The following C10orf90 variants were observed in gnomAD, a reference collection of about 807,000 sequenced individuals.
C10orf90 encodes (E2-independent) E3 ubiquitin-conjugating enzyme FATS.
Under a neutral mutation model 62.5 loss-of-function variants are expected in C10orf90, and 56 were observed. That is an observed-to-expected ratio of 0.90 (90% confidence interval 0.72 to 1.12). The LOEUF (loss-of-function observed/expected upper bound fraction) is 1.12. Ranked by LOEUF, C10orf90 falls within the 50% of genes most tolerant of loss-of-function variation. C10orf90 has a pLI of 0.00. For synonymous variants in C10orf90, 386 were observed against 340.4 expected, an observed-to-expected ratio of 1.13 and a Z score of -1.47; for missense variants, 970 against 880.4, an observed-to-expected ratio of 1.10 and a Z score of -1.29.
intron 2 of C10orf90, among the ~76,000 whole-genome samples, chr10:126,609,294 T>G (rs558332692): frequency 2.6e-5 from 4 of 152,200 alleles, no homozygotes; most frequent in South Asian, 2.1e-4. Context: ...TCTCAGCTAC[T>G]CAGGATGCTG....
At chr10:126,584,770 A>C (rs1451162029) in intron 2 of C10orf90, among the ~76,000 whole-genome samples, 1 of 152,052 alleles carries the variant, frequency 6.6e-6, no homozygotes, top group African/African-American at 2.4e-5. Flanking sequence ...TTAAAATCTT[A>C]TAGTATTAGT....
At position 126,502,570 on chromosome 10, in the gene C10orf90, T is replaced by C. The variant is rs969635738; in HGVS notation, c.1534+1387A>G. ...CTCCTCTGAGATGAGTGTATGAGTG[T>C]TTGAGATCTGGCTCTCATTATTAAT... On this transcript the variant is annotated intron_variant, in intron 4 of 9. Transcript: ENST00000488181. The C allele has an allele frequency of 2.0e-5, 5 of 250,910 alleles. No homozygotes were observed. In the South Asian group the frequency reaches 2.1e-4, roughly 11 times the overall value. The allele number at this position is 250,910 out of a possible 1,614,324, so 15.5% of individuals were successfully genotyped here.
chr10:126,627,005 T>C (rs568235490), intron 2 of C10orf90, among the ~76,000 whole-genome samples: 2 of 136,314 alleles, frequency 1.5e-5, no homozygotes, highest in Non-Finnish European at 1.6e-5. Flanking sequence ...CTTTTCTTTT[T>C]TTTTTTTTTT....
At chr10:126,630,377 C>T (rs1172012599) in intron 2 of C10orf90, among the ~76,000 whole-genome samples, 1 of 152,024 alleles carries the variant, frequency 6.6e-6, no homozygotes, top group Non-Finnish European at 1.5e-5. Flanking sequence ...TTGGGATAGG[C>T]AAGGGAGGAG....
At chr10:126,591,372 C>T (rs879376445) in intron 2 of C10orf90, among the ~76,000 whole-genome samples, 11 of 152,080 alleles carry the variant, frequency 7.2e-5, no homozygotes, top group African/African-American at 1.9e-4. Context: ...TTCATCTCTG[C>T]GATACAAGGT....
intron 2 of C10orf90, among the ~76,000 whole-genome samples, chr10:126,564,369 A>C (rs1190011937): frequency 6.6e-6 from 1 of 151,990 alleles, no homozygotes; most frequent in Non-Finnish European, 1.5e-5. Context: ...AGCAGCAGCA[A>C]AGTCCCACTG....
intron 1 of C10orf90, among the ~76,000 whole-genome samples, chr10:126,654,001 T>A (rs560322351): frequency 6.6e-6 from 1 of 152,124 alleles, no homozygotes; most frequent in Non-Finnish European, 1.5e-5. Context: ...GTCTTAACAG[T>A]GGGCTTAAAA....
intron 2 of C10orf90, among the ~76,000 whole-genome samples, chr10:126,587,214 G>A (rs2134023707): frequency 6.6e-6 from 1 of 152,286 alleles, no homozygotes; most frequent in Non-Finnish European, 1.5e-5. Context: ...ATGTTTTAAA[G>A]CATGCATGGG....
At position 126,587,087 on chromosome 10, in the gene C10orf90, T is replaced by C. The variant is rs55642014; in HGVS notation, c.313+59478A>G. On this transcript the variant is annotated intron_variant, in intron 2 of 9. Transcript: ENST00000488181. ...CTGGCTCTGAGGTTTCATACTTGTG[T>C]ATGCTGGAATCCACCAATCTGTGAC... is the stretch of plus-strand genomic sequence containing the variant. Among the ~76,000 whole-genome samples the C allele has an allele frequency of 3.3e-3, 498 of 152,258 alleles. 3 individuals are homozygous for C. The highest frequency in any genetic ancestry group is 0.012 in the African/African-American group (486 of 41,564).
intron 1 of C10orf90, among the ~76,000 whole-genome samples, chr10:126,649,022 C>G (rs186540784): frequency 2.5e-5 from 2 of 80,378 alleles, no homozygotes; most frequent in East Asian, 6.6e-4. Flanking sequence ...ATCTCTCTCT[C>G]TCTCTGTCTC....
rs755150433 is a variant in C10orf90, at chr10:126,670,154, A to G, written c.240+87T>C. On this transcript the variant is annotated intron_variant, in intron 1 of 9. Transcript: ENST00000488181. ...AAATGATTAATTTATTAGACCAGAT[A>G]AAACACCTGAACTGTCTGATGAGCA... The G allele has an allele frequency of 1.0e-5, 4 of 395,318 alleles. No individual in the cohort carries two copies. The East Asian group carries it at 2.2e-4, about 22-fold the overall frequency. 24.5% of individuals were successfully genotyped at this position (395,318 alleles called of 1,614,324 possible).
chr10:126,654,918 G>T (rs1396015755), intron 1 of C10orf90, among the ~76,000 whole-genome samples: 3 of 152,174 alleles, frequency 2.0e-5, no homozygotes, highest in African/African-American at 7.2e-5. Context: ...AATAGGTAGG[G>T]CTTAAGAGAG....
intron 3 of C10orf90, among the ~76,000 whole-genome samples, chr10:126,513,096 C>T (rs561219302): frequency 6.6e-6 from 1 of 152,272 alleles, no homozygotes; most frequent in South Asian, 2.1e-4. Context: ...ATAGCAGATG[C>T]CTTGTAAACT....
At chr10:126,583,667 C>CT (rs368692707) in intron 2 of C10orf90, among the ~76,000 whole-genome samples, 14 of 152,166 alleles carry the variant, frequency 9.2e-5, no homozygotes, top group African/African-American at 3.1e-4. Context: ...CTCTGCCCCC[C>CT]ACCTTGCCAC....
chr10:126,621,120 G>A (rs536350663), intron 2 of C10orf90, among the ~76,000 whole-genome samples: 5 of 152,230 alleles, frequency 3.3e-5, no homozygotes, highest in South Asian at 2.1e-4. Flanking sequence ...AGATAATACT[G>A]CTATGAACAT....
intron 2 of C10orf90, among the ~76,000 whole-genome samples, chr10:126,535,842 C>T (rs1864221007): frequency 6.6e-6 from 1 of 152,168 alleles, no homozygotes; most frequent in African/African-American, 2.4e-5. Context: ...GCTGCCCCTG[C>T]ACTTCCAGCT....
chr10:126,438,256 A>G (rs991326233), intron 7 of C10orf90, among the ~76,000 whole-genome samples: 1 of 152,198 alleles, frequency 6.6e-6, no homozygotes, highest in Admixed American at 6.5e-5. Context: ...AACATAGAGG[A>G]TGCAGGTAAT....
intron 2 of C10orf90, among the ~76,000 whole-genome samples, chr10:126,533,819 A>T (rs1283287355): frequency 6.6e-6 from 1 of 152,270 alleles, no homozygotes; most frequent in Non-Finnish European, 1.5e-5. Flanking sequence ...AGTGCCTGGC[A>T]CATTGCAGAA....
intron 2 of C10orf90, among the ~76,000 whole-genome samples, chr10:126,603,713 A>C (rs1394246782): frequency 6.6e-6 from 1 of 152,118 alleles, no homozygotes; most frequent in African/African-American, 2.4e-5. Flanking sequence ...AGGTGCTGAA[A>C]ACAGCTCCTG....
Sources: gnomAD v4.1 joint callset for allele counts (sites outside exome capture counted in the v4.1 genomes callset) on GRCh38, gnomAD v4.1.1 for gene constraint, MANE v1.5 for transcripts, NCBI Gene and HGNC (gene_info 2026-07-23, HGNC 2026-07-21) for gene names.